HCFC2: variants seen among roughly 807,000 people sequenced by gnomAD.
HCFC2 encodes the protein host cell factor 2.
In HCFC2, 18 loss-of-function variants were observed where a neutral mutation model predicts 89.2. The ratio of observed to expected loss-of-function variants is 0.20; its 90% CI spans 0.14 to 0.30. HCFC2 has a LOEUF of 0.30. Ranked by LOEUF, HCFC2 falls within the 10% of genes least tolerant of loss-of-function variation. The pLI is 1.00. For missense variants in HCFC2, 578 were observed against 956.1 expected (o/e 0.60, Z 5.21); for synonymous variants, 308 against 335.7 (o/e 0.92, Z 0.90).
Position 104,087,990 on chromosome 12 carries a change from C to T in HCFC2, c.1236C>T (p.Val412=). 1 of 1,601,904 alleles carries T rather than the reference C, an allele frequency of 6.2e-7. No homozygotes were observed. Among genetic ancestry groups the T allele is most frequent in the Non-Finnish European group, 8.5e-7 (1 of 1,172,358 alleles). ...DSSAAPNMQG[V]RMDPHRQGSN... The stretch of plus-strand genomic sequence containing the variant: ...GAACCTTTCTCATTCCTTCAGGAGT[C>T]AGGATGGACCCTCACAGACAAGGCA... The change falls in exon 9 of 15, where the codon GTC becomes GTT. Residue 412 remains valine, a synonymous_variant. Coordinates refer to ENST00000229330, the MANE Select transcript of HCFC2 (RefSeq NM_013320.3).
At chr12:104,072,553 G>A (rs1263973258) in intron 3 of HCFC2, among the ~76,000 whole-genome samples, 1 of 151,544 alleles carries the variant, frequency 6.6e-6, no homozygotes, top group African/African-American at 2.4e-5. Flanking sequence ...GCAATATTTT[G>A]TAGTTTTCAA....
In HCFC2 at chr12:104,068,039, T is replaced by C; in HGVS notation, c.405T>C (p.Tyr135=). 3 of 1,605,452 alleles carry C rather than the reference T, an allele frequency of 1.9e-6. No individual in the cohort carries two copies. Among genetic ancestry groups the C allele is most frequent in the South Asian group, 1.1e-5 (1 of 89,504 alleles). The part of the protein sequence containing the change: ...CPRLGHSFSL[Y]GNKCYLFGGL... ...GGCTTGGACATAGCTTCTCTTTATA[T>C]GGTAACAAATGCTATTTGTTTGGTG... The change falls in exon 3 of 15, where the codon TAT becomes TAC. Residue 135 remains tyrosine (Y), a synonymous_variant. Transcript: ENST00000229330. This position sits in a 1 kb window ranked among gnomAD's most constrained non-coding sequence, Gnocchi z 4.1.
chr12:104,103,245 G>T lies in HCFC2; in HGVS notation c.2351G>T (p.Gly784Val). 2 of 1,612,796 alleles carry T rather than the reference G, an allele frequency of 1.2e-6. No individual in the cohort carries two copies. Among genetic ancestry groups the T allele is most frequent in the East Asian group, 2.2e-5 (1 of 44,854 alleles). The stretch of plus-strand genomic sequence containing the variant: ...GCTACACAAGTTCGGTGGCTTCAAG[G>T]TAACAATAAGAAAGCACCTTTAAAT... The part of the protein sequence containing the change: ...GPATQVRWLQ[G>V]NNKKAPLN The change falls in exon 15 of 15, where the codon GGT becomes GTT. Residue 784 changes from glycine to valine, a missense_variant. Around this residue, in one of 4 missense-constraint regions of HCFC2, gnomAD observed 140 missense variants for 266.4 expected, o/e 0.53. Coordinates refer to ENST00000229330, the MANE Select transcript of HCFC2 (RefSeq NM_013320.3).
intron 3 of HCFC2, among the ~76,000 whole-genome samples, chr12:104,070,580 T>C (rs561723773): frequency 5.3e-5 from 8 of 152,166 alleles, no homozygotes; most frequent in African/African-American, 1.9e-4. Flanking sequence ...AATAAGATCA[T>C]TGGTATAATT....
At chr12:104,074,140 G>A (rs1883424164) in intron 3 of HCFC2, among the ~76,000 whole-genome samples, 1 of 151,904 alleles carries the variant, frequency 6.6e-6, no homozygotes, top group African/African-American at 2.4e-5. Context: ...CATTAAGGAC[G>A]TTTTCTTTTC....
At position 104,082,592 on chromosome 12, in the gene HCFC2, C is replaced by G. The variant is rs1883715716; in HGVS notation, c.860C>G (p.Ser287Cys). The G allele has an allele frequency of 1.2e-6, 2 of 1,611,202 alleles. No homozygotes were observed. Among genetic ancestry groups the G allele is most frequent in the East Asian group, 2.2e-5 (1 of 44,848 alleles). The change falls in exon 6 of 15, where the codon TCT (serine) becomes TGT (cysteine). Residue 287 changes from serine to cysteine, a missense_variant. Ser to Cys is a moderately radical substitution (Grantham distance 112, BLOSUM62 -1). Coordinates refer to ENST00000229330, the MANE Select transcript of HCFC2 (RefSeq NM_013320.3). ...DCEWRCTSSF[S>C]YLNLDTTEWT... ...GAATGGAGATGTACCAGTTCATTTTCTTACCTAAATCTGGGTGAGTCTTTT... is the reference window on the plus strand; with the variant it reads ...GAATGGAGATGTACCAGTTCATTTTGTTACCTAAATCTGGGTGAGTCTTTT...
chr12:104,066,512 T>C (rs192771279), intron 2 of HCFC2, among the ~76,000 whole-genome samples, 197 bp downstream of exon 2: 1 of 152,250 alleles, frequency 6.6e-6, no homozygotes, highest in African/African-American at 2.4e-5. Flanking sequence ...TTATAGAAAA[T>C]GTTTCCACTT....
At position 104,064,933 on chromosome 12, in the gene HCFC2, C is replaced by T. The variant is rs1050260028; in HGVS notation, c.163+210C>T. On this transcript the variant is annotated intron_variant, in intron 1 of 14. Transcript: ENST00000229330. The surrounding 1 kb of genome is among the most constrained non-coding windows in gnomAD (Gnocchi z 7.3). ...GATCTCCGGGGCCCTTGGGGCGCAA[C>T]GGACCCCGAGCGGGGCGCACCGGCC... The T allele has an allele frequency of 7.2e-6, 3 of 416,274 alleles. No individual in the cohort carries two copies. Among genetic ancestry groups the T allele is most frequent in the Non-Finnish European group, 1.2e-5 (3 of 240,784 alleles). The allele number at this position is 416,274 out of a possible 1,614,324, so 25.8% of individuals were successfully genotyped here.
intron 9 of HCFC2, among the ~76,000 whole-genome samples, chr12:104,091,449 C>T (rs76673279): frequency 0.047 from 7,148 of 152,320 alleles, 188 homozygotes; most frequent in South Asian, 0.11. Context: ...GCTTTTCTGT[C>T]TTACATCTTA....
intron 9 of HCFC2, among the ~76,000 whole-genome samples, chr12:104,090,042 C>G (rs1194832495): frequency 6.6e-6 from 1 of 152,118 alleles, no homozygotes; most frequent in Non-Finnish European, 1.5e-5. Context: ...AGGAATTTAT[C>G]TCTTTCCTGT....
At chr12:104,081,852 C>T (rs11111888) in intron 5 of HCFC2, among the ~76,000 whole-genome samples, 21,253 of 148,790 alleles carry the variant, frequency 0.14, 1,559 homozygotes, top group Middle Eastern at 0.21. Context: ...TTGCAGTGGA[C>T]CGTTATCATG....
intron 4 of HCFC2, 63 bp downstream of exon 4, chr12:104,079,716 A>G (rs1452889773): frequency 1.6e-6 from 2 of 1,222,110 alleles, no homozygotes; most frequent in Non-Finnish European, 2.4e-6. Context: ...GAAAAATATT[A>G]TTGATTGCAG....
intron 12 of HCFC2, among the ~76,000 whole-genome samples, chr12:104,097,204 A>G (rs1410397615): frequency 6.6e-6 from 1 of 152,148 alleles, no homozygotes; most frequent in Non-Finnish European, 1.5e-5. Context: ...TTTAACCTTT[A>G]GAATCTTTAA....
intron 7 of HCFC2, among the ~76,000 whole-genome samples, chr12:104,083,132 A>G: frequency 6.6e-6 from 1 of 152,186 alleles, no homozygotes; most frequent in African/African-American, 2.4e-5. Flanking sequence ...ATGGAAAGGG[A>G]AAATAGTAGC....
rs1372018495 is a variant in HCFC2, at chr12:104,098,179, GTCA to G, written c.1741-163_1741-161del. 22 of 500,458 alleles carry G rather than the reference GTCA, an allele frequency of 4.4e-5. No homozygotes were observed. In the East Asian group the frequency reaches 6.9e-4, roughly 16 times the overall value. 31.0% of individuals were successfully genotyped at this position (500,458 alleles called of 1,614,324 possible). A position where few individuals can be genotyped will look rare whatever the true frequency, so the allele number is the denominator to read the frequency against. On this transcript the variant is annotated intron_variant, in intron 12 of 14. Transcript: ENST00000229330. ...TTTGAATTGGCATCCCTGTTTCACT[GTCA>G]GTTGACCTAATCTGTTAAGACTTTA... is the stretch of plus-strand genomic sequence containing the variant.
chr12:104,070,621 T>C (rs1023456059), intron 3 of HCFC2, among the ~76,000 whole-genome samples: 3 of 152,212 alleles, frequency 2.0e-5, no homozygotes, highest in Admixed American at 6.6e-5. Context: ...CCATAGCATA[T>C]AATACAGTAG....
In HCFC2 at chr12:104,082,855, A is replaced by T; in HGVS notation, c.1017A>T (p.Ala339=). 1 of 1,612,844 alleles carries T rather than the reference A, an allele frequency of 6.2e-7. No individual in the cohort carries two copies. Among genetic ancestry groups the T allele is most frequent in the Non-Finnish European group, 8.5e-7 (1 of 1,179,650 alleles). ...GTGGAAGAGATGGCTACAAAAAAGCACTGAATAGTCAAGTTTGCTGCAAGG... is the reference window on the plus strand; with the variant it reads ...GTGGAAGAGATGGCTACAAAAAAGCTCTGAATAGTCAAGTTTGCTGCAAGG... ...FWSGRDGYKK[A]LNSQVCCKDL... The change falls in exon 7 of 15, where the codon GCA becomes GCT. Residue 339 remains alanine, a synonymous_variant. Coordinates refer to ENST00000229330, the MANE Select transcript of HCFC2 (RefSeq NM_013320.3).
chr12:104,100,139 A>T (rs904540124), intron 13 of HCFC2, among the ~76,000 whole-genome samples: 2 of 152,162 alleles, frequency 1.3e-5, no homozygotes, highest in Non-Finnish European at 2.9e-5. Flanking sequence ...CTGATATGCT[A>T]TTAAATACAA....
intron 5 of HCFC2, 56 bp downstream of exon 5, chr12:104,080,886 G>A: frequency 2.7e-6 from 3 of 1,128,600 alleles, no homozygotes; most frequent in Non-Finnish European, 2.6e-6. Context: ...AACTTAAGAA[G>A]CACACAAAGA....
Sources: allele counts gnomAD v4.1 joint callset (sites outside exome capture counted in the v4.1 genomes callset), GRCh38; gene constraint gnomAD v4.1.1; regional missense constraint gnomAD v4.1.1; non-coding constraint Gnocchi (gnomAD v3.1); transcripts MANE v1.5; gene names NCBI Gene and HGNC (gene_info 2026-07-23, HGNC 2026-07-21).